The following FAM120B variants were observed in gnomAD, a reference collection of about 807,000 sequenced individuals.
The protein encoded by FAM120B is family with sequence similarity 120 member B, also known as constitutive coactivator of peroxisome proliferator-activated receptor gamma.
FAM120B carries 83 observed loss-of-function variants against 96.3 expected under a neutral mutation model. That is an observed-to-expected ratio of 0.86 (90% CI 0.72 to 1.03). The LOEUF (loss-of-function observed/expected upper bound fraction) is 1.03. Among genes scored for constraint, FAM120B ranks in the 50% least tolerant of loss-of-function variants. The probability of loss-of-function intolerance (pLI) is 0.00; values close to 1 mark genes in which losing one functional copy is unlikely to be tolerated. For missense variants in FAM120B, 1,027 were observed against 1,121.2 expected (o/e 0.92, Z 1.20); for synonymous variants, 407 against 402.7 (o/e 1.01, Z -0.13).
chr6:170,389,541 G>A (rs962537652), intron 7 of FAM120B, among the ~76,000 whole-genome samples: 6 of 151,436 alleles, frequency 4.0e-5, no homozygotes, highest in Admixed American at 2.0e-4. Flanking sequence ...ACACACACAC[G>A]CACACATATA....
upstream of FAM120B, among the ~76,000 whole-genome samples, chr6:170,302,578 T>A (rs1320140707): frequency 3.9e-5 from 6 of 152,348 alleles, no homozygotes; most frequent in African/African-American, 1.4e-4. Context: ...CTGTCCCAGA[T>A]GCCCCTGCCA....
intron 6 of FAM120B, among the ~76,000 whole-genome samples, chr6:170,384,589 C>T (rs145274213): frequency 1.1e-4 from 17 of 152,260 alleles, no homozygotes; most frequent in Non-Finnish European, 2.1e-4. Flanking sequence ...GGATTATTTC[C>T]GGATTCTCTA....
chr6:170,364,920 C>T (rs745996162), intron 6 of FAM120B, among the ~76,000 whole-genome samples: 1 of 152,214 alleles, frequency 6.6e-6, no homozygotes, highest in African/African-American at 2.4e-5. Flanking sequence ...AAAGCCCTTT[C>T]GTACATGTTC....
At chr6:170,397,513 A>G (rs951329517) in intron 9 of FAM120B, among the ~76,000 whole-genome samples, 6 of 151,962 alleles carry the variant, frequency 3.9e-5, no homozygotes, top group Non-Finnish European at 8.8e-5. Flanking sequence ...TCTGGAGTCC[A>G]CCCCGACCGA....
rs79918761 is a variant in FAM120B at position 170,368,824 on chromosome 6, G to C, written c.2283+10506G>C. 6.5e-3 allele frequency among the ~76,000 whole-genome samples: 730 copies of C among 112,792 alleles called. 18 individuals are homozygous for C. The highest frequency in any genetic ancestry group is 0.022 in the Middle Eastern group (5 of 224). The allele number at this position is 112,792 out of a possible 152,430, so 74.0% of individuals were successfully genotyped here. Reference sequence around the variant, plus strand: ...AGCTCTGCTGTCTGCCGGGGCTGGGGGGGGGGCTCCCTCCTGGCTTGCAGG... The same window carrying C: ...AGCTCTGCTGTCTGCCGGGGCTGGGCGGGGGGCTCCCTCCTGGCTTGCAGG... On this transcript the variant is annotated intron_variant, in intron 6 of 10. Coordinates refer to ENST00000476287, the MANE Select transcript of FAM120B (RefSeq NM_032448.3).
At chr6:170,324,262 C>T (rs1785462487) in intron 3 of FAM120B, among the ~76,000 whole-genome samples, 1 of 152,028 alleles carries the variant, frequency 6.6e-6, no homozygotes, top group Middle Eastern at 3.2e-3. Context: ...TATTTAAATC[C>T]AGTTTTTGTT....
intron 9 of FAM120B, among the ~76,000 whole-genome samples, chr6:170,398,212 G>C (rs1050203087): frequency 1.3e-5 from 2 of 152,250 alleles, no homozygotes; most frequent in African/African-American, 2.4e-5. Context: ...ATCTGGCCTG[G>C]ATAACCTTGA....
chr6:170,316,867 A>G (rs1284333924), intron 1 of FAM120B, among the ~76,000 whole-genome samples: 1 of 152,236 alleles, frequency 6.6e-6, no homozygotes, highest in African/African-American at 2.4e-5. Context: ...GTTTTCTGTC[A>G]CTACGGATTA....
upstream of FAM120B, chr6:170,290,820 G>A (rs1783846005): frequency 6.5e-6 from 4 of 615,446 alleles, 1 homozygote; most frequent in South Asian, 7.5e-5. The surrounding 1 kb of genome is among the most constrained non-coding windows in gnomAD (Gnocchi z 4.7). Flanking sequence ...ACACGCGCAG[G>A]ACCGGAGGGG....
At chr6:170,403,851 C>G (rs1478937420) in intron 9 of FAM120B, among the ~76,000 whole-genome samples, 1 of 152,204 alleles carries the variant, frequency 6.6e-6, no homozygotes, top group Non-Finnish European at 1.5e-5. Flanking sequence ...GGAAACCTCA[C>G]TTTGGCTGTA....
chr6:170,396,100 C>T (rs761135693), intron 9 of FAM120B, among the ~76,000 whole-genome samples: 16 of 152,190 alleles, frequency 1.1e-4, no homozygotes, highest in Non-Finnish European at 2.4e-4. Flanking sequence ...AGTATTTGAG[C>T]TCAAATTCCG....
At chr6:170,311,368 G>GT (rs530394334) in intron 1 of FAM120B, among the ~76,000 whole-genome samples, 9 of 152,142 alleles carry the variant, frequency 5.9e-5, no homozygotes, top group Middle Eastern at 6.8e-3. Context: ...CTGAAGGTGA[G>GT]TTTTTTTTCC....
At chr6:170,372,188 TCA>T (rs1347267582) in intron 6 of FAM120B, among the ~76,000 whole-genome samples, 3 of 152,212 alleles carry the variant, frequency 2.0e-5, no homozygotes, top group African/African-American at 4.8e-5. Flanking sequence ...TTGTTTACTC[TCA>T]GTTTTAATTA....
chr6:170,385,681 G>A (rs893586750), intron 6 of FAM120B, among the ~76,000 whole-genome samples: 3 of 152,194 alleles, frequency 2.0e-5, no homozygotes, highest in Admixed American at 2.0e-4. Flanking sequence ...CCTGTACATA[G>A]AAGTTTCGGC....
In FAM120B at chr6:170,317,973, G is replaced by A. The variant is rs751590046; in HGVS notation, c.583G>A (p.Glu195Lys). ...YDTCPYFSISELCLESLDTVM... is the reference protein window; with the variant it reads ...YDTCPYFSISKLCLESLDTVM... ...CACTTGTCCCTACTTTTCAATTAGC[G>A]AGCTCTGCCTAGAGAGCCTGGACAC... Residue 195 changes from glutamate to lysine, a missense_variant, in exon 2 of 11, where the codon GAG (glutamate) becomes AAG (lysine). This residue lies in a region of FAM120B where 880 missense variants were observed against 980.9 expected (regional missense o/e 0.90). Transcript: ENST00000476287. 2.2e-5 allele frequency: 35 copies of A among 1,613,706 alleles called. No individual in the cohort carries two copies. The highest frequency in any genetic ancestry group is 1.6e-4 in the South Asian group (15 of 91,074).
rs149584798 is a variant in FAM120B, at chr6:170,331,747, A to G, written c.2017+1197A>G. On this transcript the variant is annotated intron_variant, in intron 4 of 10. Transcript: ENST00000476287. Reference sequence around the variant, plus strand: ...GAGTTAATTTTAAAGGCCACTCTATATAATGTTTTAATAAATTCCAGAAAT... The same window carrying G: ...GAGTTAATTTTAAAGGCCACTCTATGTAATGTTTTAATAAATTCCAGAAAT... Among the ~76,000 whole-genome samples, 423 of 152,368 alleles carry G rather than the reference A, an allele frequency of 2.8e-3. 1 individual carries two copies. The highest frequency in any genetic ancestry group is 9.6e-3 in the African/African-American group (400 of 41,584).
intron 1 of FAM120B, among the ~76,000 whole-genome samples, chr6:170,299,971 T>C (rs1332885239): frequency 6.6e-6 from 1 of 152,268 alleles, no homozygotes; most frequent in East Asian, 1.9e-4. Context: ...ACATGATACC[T>C]TTTATCAGCA....
intron 6 of FAM120B, among the ~76,000 whole-genome samples, chr6:170,359,769 A>G (rs538563937): frequency 6.6e-6 from 1 of 152,186 alleles, no homozygotes; most frequent in Non-Finnish European, 1.5e-5. Flanking sequence ...TCATTCATAA[A>G]CTAATTCTCA....
At chr6:170,402,892 A>G (rs2115349685) in intron 9 of FAM120B, among the ~76,000 whole-genome samples, 1 of 152,344 alleles carries the variant, frequency 6.6e-6, no homozygotes, top group Admixed American at 6.5e-5. Context: ...AGTTTCATAA[A>G]TAGGTCTTTG....
Sources: gnomAD v4.1 joint callset for allele counts (sites outside exome capture counted in the v4.1 genomes callset) on GRCh38, gnomAD v4.1.1 for gene constraint, gnomAD v4.1.1 regional missense constraint, Gnocchi (gnomAD v3.1) non-coding constraint, MANE v1.5 for transcripts, NCBI Gene and HGNC (gene_info 2026-07-23, HGNC 2026-07-21) for gene names.